CHST9: variants seen among roughly 807,000 people sequenced by gnomAD.
CHST9 encodes carbohydrate sulfotransferase 9, also known as GalNAc-4-sulfotransferase 2.
In CHST9, 41 loss-of-function variants were observed where a neutral mutation model predicts 44.4. The observed-to-expected ratio is 0.92, with a 90% confidence interval of 0.72 to 1.20. The LOEUF (loss-of-function observed/expected upper bound fraction) is 1.20. Among genes scored for constraint, CHST9 ranks in the 50% most tolerant of loss-of-function variants. The pLI, the probability that CHST9 is intolerant of heterozygous loss-of-function variation, is 0.00. For missense variants in CHST9, 504 were observed against 516.5 expected, an observed-to-expected ratio of 0.98 and a Z score of 0.23; for synonymous variants, 171 against 178.4, an observed-to-expected ratio of 0.96 and a Z score of 0.33.
At chr18:27,163,132 T>C (rs2058761588) in intron 1 of CHST9, among the ~76,000 whole-genome samples, 1 of 152,162 alleles carries the variant, frequency 6.6e-6, no homozygotes, top group Admixed American at 6.5e-5. Flanking sequence ...ACAGTGGATA[T>C]TGGTGAACAG....
intron 1 of CHST9, among the ~76,000 whole-genome samples, chr18:27,175,861 A>G (rs1306241311): frequency 1.3e-5 from 2 of 152,060 alleles, no homozygotes; most frequent in Non-Finnish European, 2.9e-5. Flanking sequence ...ATAAATGTGA[A>G]TTTGCAACTC....
At chr18:26,950,629 C>T (rs577338) in intron 4 of CHST9, among the ~76,000 whole-genome samples, 2 of 152,216 alleles carry the variant, frequency 1.3e-5, no homozygotes, top group South Asian at 4.2e-4. Context: ...GAACAGAAAA[C>T]CAAATATCAC....
chr18:27,024,261 T>C (rs1568137711), intron 3 of CHST9, 104 bp from the exon 4 acceptor site: 4 of 873,816 alleles, frequency 4.6e-6, no homozygotes, highest in Admixed American at 2.8e-5. Flanking sequence ...ATTTTATTTG[T>C]AACAAGGAAA....
At chr18:26,934,306 C>T (rs1449943302) in intron 5 of CHST9, 1 of 151,354 alleles carries the variant, frequency 6.6e-6, no homozygotes, top group Non-Finnish European at 1.5e-5. Context: ...GCGATCTCGG[C>T]TCACTGCAAG....
chr18:27,006,413 A>G (rs886337014), intron 4 of CHST9, among the ~76,000 whole-genome samples: 6 of 152,174 alleles, frequency 3.9e-5, no homozygotes, highest in Non-Finnish European at 8.8e-5. Flanking sequence ...GAAAACCTCC[A>G]GCAATGTGTG....
chr18:26,910,876 T>G lies in CHST9; in HGVS notation c.*5383A>C, dbSNP rs1236575247. ...ATTAAATGAATGTATGCAAAGTATT[T>G]TTCCCGTGTCTGCTACTGAGTAGAT... On this transcript the variant is annotated 3_prime_UTR_variant, in exon 6 of 6. Transcript: ENST00000618847. 1 of 152,214 alleles carries G rather than the reference T, an allele frequency of 6.6e-6. No homozygotes were observed. Among genetic ancestry groups the G allele is most frequent in the Non-Finnish European group, 1.5e-5 (1 of 68,032 alleles). 9.4% of individuals were successfully genotyped at this position (152,214 alleles called of 1,614,324 possible). A position where few individuals can be genotyped will look rare whatever the true frequency, so the allele number is the denominator to read the frequency against.
At chr18:27,170,424 G>T (rs2058825621) in intron 1 of CHST9, among the ~76,000 whole-genome samples, 1 of 152,050 alleles carries the variant, frequency 6.6e-6, no homozygotes, top group Admixed American at 6.6e-5. Flanking sequence ...GGCCTTTATT[G>T]TATTAAATGC....
chr18:26,962,631 A>C (rs369484781), intron 4 of CHST9, among the ~76,000 whole-genome samples: 94 of 152,038 alleles, frequency 6.2e-4, no homozygotes, highest in African/African-American at 2.1e-3. Flanking sequence ...AACTTATCTC[A>C]ATCTGAATGT....
intron 2 of CHST9, among the ~76,000 whole-genome samples, chr18:27,055,895 T>A (rs1179840863): frequency 6.6e-6 from 1 of 151,968 alleles, no homozygotes; most frequent in East Asian, 1.9e-4. Flanking sequence ...CTTGAGTACC[T>A]TCTCATTACA....
chr18:27,075,180 T>G (rs1256615160), intron 2 of CHST9, among the ~76,000 whole-genome samples: 1 of 41,688 alleles, frequency 2.4e-5, no homozygotes, highest in Non-Finnish European at 7.6e-5. Context: ...TTGTTTTTTG[T>G]TTTTTTTTTG....
chr18:27,142,088 A>G (rs1335937577), intron 2 of CHST9, among the ~76,000 whole-genome samples: 1 of 152,176 alleles, frequency 6.6e-6, no homozygotes, highest in African/African-American at 2.4e-5. Context: ...TTTTGTAAAT[A>G]AAGTTTTATT....
chr18:26,958,032 A>T (rs1045589710), intron 4 of CHST9, among the ~76,000 whole-genome samples: 2 of 130,152 alleles, frequency 1.5e-5, no homozygotes, highest in African/African-American at 2.7e-5. Flanking sequence ...GATTACAGGC[A>T]TGCACCACCA....
rs539307235 is a variant in CHST9 at position 27,166,701 on chromosome 18, T to A, written c.-97+18435A>T. 5.3e-5 allele frequency among the ~76,000 whole-genome samples: 8 copies of A among 152,374 alleles called. No homozygotes were observed. The Middle Eastern group carries it at 0.014, about 259-fold the overall frequency. ...CTTAAACATTGCTTTTTAACTATTT[T>A]TCATTTGCCTATGTAGGGGAGGAAA... On this transcript the variant is annotated intron_variant, in intron 1 of 5. Coordinates refer to ENST00000618847, the MANE Select transcript of CHST9 (RefSeq NM_031422.6).
chr18:27,103,369 G>C (rs1429592736), intron 2 of CHST9, among the ~76,000 whole-genome samples: 2 of 152,180 alleles, frequency 1.3e-5, no homozygotes, highest in African/African-American at 4.8e-5. Context: ...TTCTGCCTCA[G>C]TGGACAGGCA....
intron 4 of CHST9, among the ~76,000 whole-genome samples, chr18:26,949,652 G>T (rs182783030): frequency 1.3e-5 from 2 of 152,338 alleles, no homozygotes; most frequent in Admixed American, 1.3e-4. Flanking sequence ...AATTACGGCA[G>T]ATTGAATAAT....
At position 27,012,647 on chromosome 18, in the gene CHST9, T is replaced by TAAAC. The variant is rs1309973024; in HGVS notation, c.202+11465_202+11468dup. Among the ~76,000 whole-genome samples, 5 of 152,210 alleles carry TAAAC rather than the reference T, an allele frequency of 3.3e-5. No homozygotes were observed. The East Asian group carries it at 7.7e-4, about 23-fold the overall frequency. The stretch of plus-strand genomic sequence containing the variant: ...CACTTTGGCATGGAAATGGAAACTA[T>TAAAC]AAACAAACAAACAAAAAAGACAAAT... On this transcript the variant is annotated intron_variant, in intron 4 of 5. Transcript: ENST00000618847.
chr18:26,984,814 C>T (rs2056735711), intron 4 of CHST9, among the ~76,000 whole-genome samples: 1 of 151,248 alleles, frequency 6.6e-6, no homozygotes, highest in Non-Finnish European at 1.5e-5. Context: ...TGTACACACT[C>T]ATCAGTATAG....
chr18:27,087,766 T>C (rs2058027070), intron 2 of CHST9, among the ~76,000 whole-genome samples: 1 of 152,186 alleles, frequency 6.6e-6, no homozygotes, highest in South Asian at 2.1e-4. Flanking sequence ...GTGGGCTAAC[T>C]TCCAGAGGAA....
At chr18:27,132,073 T>C (rs2058476598) in intron 2 of CHST9, among the ~76,000 whole-genome samples, 1 of 152,210 alleles carries the variant, frequency 6.6e-6, no homozygotes, top group South Asian at 2.1e-4. Flanking sequence ...ACTAAAGGCA[T>C]CTTGGGTTTG....
Sources: allele counts gnomAD v4.1 joint callset (sites outside exome capture counted in the v4.1 genomes callset), GRCh38; gene constraint gnomAD v4.1.1; transcripts MANE v1.5; gene names NCBI Gene and HGNC (gene_info 2026-07-23, HGNC 2026-07-21).